RIMBP2: variants seen among roughly 807,000 people sequenced by gnomAD.
RIMBP2 encodes the protein RIMS-binding protein 2.
A neutral mutation model predicts 118.6 loss-of-function variants in RIMBP2; 48 were observed. The observed-to-expected ratio is 0.40, with a 90% confidence interval of 0.32 to 0.51. The LOEUF is 0.51. RIMBP2 is among the 20% of genes least tolerant of loss of function. The probability of loss-of-function intolerance (pLI) is 0.41; values close to 1 mark genes in which losing one functional copy is unlikely to be tolerated. For synonymous variants in RIMBP2, 762 were observed against 742.9 expected, an observed-to-expected ratio of 1.03 and a Z score of -0.42; for missense variants, 1,551 against 1,768.3, an observed-to-expected ratio of 0.88 and a Z score of 2.20.
At position 130,450,183 on chromosome 12, in the gene RIMBP2, C is replaced by A; in HGVS notation, c.581+17G>T. The A allele has an allele frequency of 6.3e-7, 1 of 1,582,602 alleles. No individual in the cohort carries two copies. Reference sequence around the variant, plus strand: ...CCACTCACAGGGGCTCGGTGGACGCCGAGGGGCCGCACTTACCTATAGCGG... The same window carrying A: ...CCACTCACAGGGGCTCGGTGGACGCAGAGGGGCCGCACTTACCTATAGCGG... On this transcript the variant is annotated intron_variant, in intron 9 of 22. Transcript: ENST00000690449. This position sits in a 1 kb window ranked among gnomAD's most constrained non-coding sequence, Gnocchi z 4.8.
chr12:130,473,019 T>C (rs2081135016), intron 5 of RIMBP2, among the ~76,000 whole-genome samples: 1 of 152,150 alleles, frequency 6.6e-6, no homozygotes, highest in Non-Finnish European at 1.5e-5. Flanking sequence ...GATGCCACCA[T>C]TGACTCAGTT....
intron 2 of RIMBP2, among the ~76,000 whole-genome samples, chr12:130,520,519 A>C (rs76378753): frequency 0.074 from 11,111 of 150,604 alleles, 535 homozygotes; most frequent in East Asian, 0.16. Context: ...CACACACACA[A>C]AAATTAGCCA....
At chr12:130,456,381 T>C in intron 7 of RIMBP2, 115 bp downstream of exon 7, 2 of 822,574 alleles carry the variant, frequency 2.4e-6, no homozygotes, top group South Asian at 3.8e-5. Context: ...CAGTGGCGGG[T>C]CCCTGTACCC....
At chr12:130,686,027 G>A (rs530428870) in intron 1 of RIMBP2, among the ~76,000 whole-genome samples, 7 of 152,176 alleles carry the variant, frequency 4.6e-5, no homozygotes, top group Non-Finnish European at 8.8e-5. Flanking sequence ...TCTGCTGTCC[G>A]GTCCTTGCCA....
intron 4 of RIMBP2, among the ~76,000 whole-genome samples, chr12:130,485,458 G>A (rs1326496894): frequency 1.3e-5 from 2 of 152,276 alleles, no homozygotes; most frequent in African/African-American, 4.8e-5. Flanking sequence ...ACCAGCCACT[G>A]CCATCTTGGA....
rs376275959 is a variant in RIMBP2, at chr12:130,447,741, C to G, written c.581+2459G>C. ...AATGTGTCAGCCTCACCCTGGACCT[C>G]GGGTGGGAAGGACCCAGGAGCCCTC... On this transcript the variant is annotated intron_variant, in intron 9 of 22. Coordinates refer to ENST00000690449, the MANE Select transcript of RIMBP2 (RefSeq NM_001393629.1). The surrounding 1 kb of genome is among the most constrained non-coding windows in gnomAD (Gnocchi z 4.4). Among the ~76,000 whole-genome samples, 1 of 152,098 alleles carries G rather than the reference C, an allele frequency of 6.6e-6. No homozygotes were observed. Among genetic ancestry groups the G allele is most frequent in the South Asian group, 2.1e-4 (1 of 4,828 alleles).
intron 1 of RIMBP2, among the ~76,000 whole-genome samples, chr12:130,650,968 A>G (rs1408997926): frequency 1.3e-5 from 2 of 149,080 alleles, no homozygotes; most frequent in Non-Finnish European, 3.0e-5. Flanking sequence ...TAAAAAAAAA[A>G]AAAAAAAAGA....
At chr12:130,551,551 T>TC (rs1566247748) in intron 2 of RIMBP2, among the ~76,000 whole-genome samples, 2 of 107,972 alleles carry the variant, frequency 1.9e-5, no homozygotes. Context: ...TTCTTAGATT[T>TC]CTTTTTTTTC....
rs1181196462 is a variant in RIMBP2 at position 130,434,790 on chromosome 12, T to C, written c.2197A>G (p.Lys733Glu). The change falls in exon 14 of 23, where the codon AAG becomes GAG. Residue 733 changes from lysine to glutamate, a missense_variant. By Grantham distance (56) the Lys-to-Glu change is moderately conservative. Coordinates refer to ENST00000690449, the MANE Select transcript of RIMBP2 (RefSeq NM_001393629.1). The surrounding 1 kb of genome is among the most constrained non-coding windows in gnomAD (Gnocchi z 5.7). ...EEDAYDSPDFKRRGASVDDFL... is the reference protein window; with the variant it reads ...EEDAYDSPDFERRGASVDDFL... ...TCGTCCACCGAGGCGCCCCTCCTCT[T>C]GAAGTCTGGAGAGTCATAGGCGTCC... is the stretch of plus-strand genomic sequence containing the variant. The C allele has an allele frequency of 3.7e-6, 6 of 1,613,752 alleles. No individual in the cohort carries two copies. Among genetic ancestry groups the C allele is most frequent in the Non-Finnish European group, 5.1e-6 (6 of 1,179,986 alleles).
chr12:130,442,265 G>A lies in RIMBP2; in HGVS notation c.1087C>T (p.Leu363=). 2 of 1,614,178 alleles carry A rather than the reference G, an allele frequency of 1.2e-6. No homozygotes were observed. Among genetic ancestry groups the A allele is most frequent in the African/African-American group, 1.3e-5 (1 of 75,040 alleles). The change falls in exon 11 of 23, where the codon CTG becomes TTG. Residue 363 remains leucine, a synonymous_variant. Transcript: ENST00000690449. The surrounding 1 kb of genome is among the most constrained non-coding windows in gnomAD (Gnocchi z 6.9). ...VDKETRMNLT[L]GSRTKALIEK... is the part of the protein sequence containing the mutation. Reference sequence around the variant, plus strand: ...ATGAGGGCTTTAGTTCTGCTCCCCAGCGTGAGGTTCATGCGTGTCTCCTTG... The same window carrying A: ...ATGAGGGCTTTAGTTCTGCTCCCCAACGTGAGGTTCATGCGTGTCTCCTTG...
intron 2 of RIMBP2, among the ~76,000 whole-genome samples, chr12:130,593,025 G>A (rs1378854649): frequency 1.3e-5 from 2 of 152,154 alleles, no homozygotes; most frequent in East Asian, 1.9e-4. Flanking sequence ...GCTTCCGCTC[G>A]GATAGAATCC....
At position 130,682,214 on chromosome 12, in the gene RIMBP2, C is replaced by T. The variant is rs145460190; in HGVS notation, c.-352+34008G>A. Among the ~76,000 whole-genome samples, 917 of 152,302 alleles carry T rather than the reference C, an allele frequency of 6.0e-3. 9 individuals carry two copies. The highest frequency in any genetic ancestry group is 0.021 in the African/African-American group (877 of 41,556). ...GACAGCCTCGTCCGCCCTCCCTTCC[C>T]CCACTGCCAAGGGATGCATCTCCTT... On this transcript the variant is annotated intron_variant, in intron 1 of 22. Coordinates refer to ENST00000690449, the MANE Select transcript of RIMBP2 (RefSeq NM_001393629.1).
At chr12:130,569,734 C>A (rs1288199515) in intron 2 of RIMBP2, among the ~76,000 whole-genome samples, 1 of 152,184 alleles carries the variant, frequency 6.6e-6, no homozygotes, top group African/African-American at 2.4e-5. Context: ...TCCCTCTTCA[C>A]CTTCCGCCAT....
chr12:130,537,115 T>C (rs2054150790), intron 2 of RIMBP2, among the ~76,000 whole-genome samples: 1 of 152,104 alleles, frequency 6.6e-6, no homozygotes, highest in Non-Finnish European at 1.5e-5. Context: ...TGCAGTGTGG[T>C]GTCTTGGATG....
At chr12:130,642,477 G>A (rs558046690) in intron 1 of RIMBP2, among the ~76,000 whole-genome samples, 16 of 152,284 alleles carry the variant, frequency 1.1e-4, no homozygotes, top group African/African-American at 3.8e-4. Context: ...TGGAGACGGG[G>A]TGTCGCCATG....
Position 130,581,321 on chromosome 12 carries a change from C to T in RIMBP2, c.-217+47001G>A, listed in dbSNP as rs1304757045. ...TGGTGAGCTGAAGCCCACACAGGGG[C>T]CCCATCTGCTCCAGCAATGGTTTCC... is the stretch of plus-strand genomic sequence containing the variant. On this transcript the variant is annotated intron_variant, in intron 2 of 22. Transcript: ENST00000690449. This position sits in a 1 kb window ranked among gnomAD's most constrained non-coding sequence, Gnocchi z 4.4. Among the ~76,000 whole-genome samples, 1 of 152,104 alleles carries T rather than the reference C, an allele frequency of 6.6e-6. No individual in the cohort carries two copies. The highest frequency in any genetic ancestry group is 1.5e-5 in the Non-Finnish European group (1 of 68,020).
In RIMBP2 at chr12:130,710,925, T is replaced by A. The variant is rs1278319700; in HGVS notation, c.-352+5297A>T. Among the ~76,000 whole-genome samples the A allele has an allele frequency of 6.6e-6, 1 of 152,218 alleles. No homozygotes were observed. Among genetic ancestry groups the A allele is most frequent in the African/African-American group, 2.4e-5 (1 of 41,462 alleles). ...CATGGAGCCCTGACAGCCACCTCCC[T>A]TTCTCGTGTAGGTGAGCATTAAGAA... On this transcript the variant is annotated intron_variant, in intron 1 of 22. Transcript: ENST00000690449. The surrounding 1 kb of genome is among the most constrained non-coding windows in gnomAD (Gnocchi z 4.3).
intron 2 of RIMBP2, among the ~76,000 whole-genome samples, chr12:130,570,311 A>AG (rs1364677304): frequency 5.3e-5 from 8 of 152,174 alleles, no homozygotes; most frequent in Non-Finnish European, 4.4e-5. Context: ...CCGAAGGCCC[A>AG]GCTAGTTGGG....
At chr12:130,455,400 CCT>C (rs1185209159) in intron 7 of RIMBP2, among the ~76,000 whole-genome samples, 8 of 152,242 alleles carry the variant, frequency 5.3e-5, no homozygotes, top group African/African-American at 4.8e-5. Flanking sequence ...CGCACGGTGC[CCT>C]GTCTGTCTCT....
Sources: gnomAD v4.1 joint callset for allele counts (sites outside exome capture counted in the v4.1 genomes callset) on GRCh38, gnomAD v4.1.1 for gene constraint, Gnocchi (gnomAD v3.1) non-coding constraint, MANE v1.5 for transcripts, NCBI Gene and HGNC (gene_info 2026-07-23, HGNC 2026-07-21) for gene names.